PARP9: variants seen among roughly 807,000 people sequenced by gnomAD.
The protein encoded by PARP9 is poly(ADP-ribose) polymerase family member 9, also known as protein mono-ADP-ribosyltransferase PARP9.
In PARP9, 48 loss-of-function variants were observed where a neutral mutation model predicts 68.8. That is an observed-to-expected ratio of 0.70 (90% CI 0.55 to 0.89). The LOEUF (loss-of-function observed/expected upper bound fraction) is 0.89. Ranked by LOEUF, PARP9 falls within the 40% of genes least tolerant of loss-of-function variation. PARP9 has a pLI of 0.00. For synonymous variants in PARP9, 309 were observed against 333.8 expected, an observed-to-expected ratio of 0.93 and a Z score of 0.81; for missense variants, 806 against 969.3, an observed-to-expected ratio of 0.83 and a Z score of 2.24.
Position 122,556,133 on chromosome 3 carries a change from GAGAAGATTAAAAAAA to G in PARP9, c.50-27_50-13del. Reference sequence around the variant, plus strand: ...AAGAGCACCAGTCTCTGGAAAAGAAGAGAAGATTAAAAAAAAAAAAAAAAAAAAAAAAAAAAAAAA... The same window carrying G: ...AAGAGCACCAGTCTCTGGAAAAGAAGAAAAAAAAAAAAAAAAAAAAAAAAA... On this transcript the variant is annotated splice_polypyrimidine_tract_variant and intron_variant, in intron 3 of 10. Transcript: ENST00000682323. 1.2e-5 allele frequency: 2 copies of G among 169,076 alleles called. No individual in the cohort carries two copies. Among genetic ancestry groups the G allele is most frequent in the African/African-American group, 5.9e-5 (1 of 17,084 alleles). The allele number at this position is 169,076 out of a possible 1,614,324, so 10.5% of individuals were successfully genotyped here. A position where few individuals can be genotyped will look rare whatever the true frequency, so the allele number is the denominator to read the frequency against.
intron 9 of PARP9, 171 bp downstream of exon 9, chr3:122,536,763 T>C: frequency 1.4e-6 from 1 of 724,698 alleles, no homozygotes; most frequent in Non-Finnish European, 2.2e-6. Context: ...CGATTCCAAC[T>C]ATATCCCTCG....
chr3:122,536,768 CCCTCGTG>C, intron 9 of PARP9, 159 bp downstream of exon 9: 1 of 742,386 alleles, frequency 1.3e-6, no homozygotes, highest in Non-Finnish European at 2.1e-6. Flanking sequence ...CCAACTATAT[CCCTCGTG>C]CCTGCCCTGC....
At chr3:122,535,696 T>TA in intron 10 of PARP9, 1 of 989,720 alleles carries the variant, frequency 1.0e-6, no homozygotes, top group Non-Finnish European at 1.2e-6. Flanking sequence ...TGCCAAATGA[T>TA]ACCTAATTCA....
At chr3:122,546,269 T>C (rs1361144840) in intron 6 of PARP9, among the ~76,000 whole-genome samples, 1 of 152,260 alleles carries the variant, frequency 6.6e-6, no homozygotes, top group Non-Finnish European at 1.5e-5. Flanking sequence ...ATCTTGAGCT[T>C]TTCCCAGGCT....
Position 122,552,442 on chromosome 3 carries a change from C to T in PARP9, c.1083G>A (p.Trp361Ter). 1 of 1,610,962 alleles carries T rather than the reference C, an allele frequency of 6.2e-7. No homozygotes were observed. The highest frequency in any genetic ancestry group is 8.5e-7 in the Non-Finnish European group (1 of 1,177,664). Residue 361 changes from tryptophan to a stop codon, truncating the protein, a stop_gained, in exon 5 of 11, where the codon TGG (tryptophan) becomes TGA (stop). Transcript: ENST00000682323. LOFTEE classifies it high-confidence loss of function. ...LFCKYIYHVL[W>*]HSEFPKPQIL... ...CCTGAGGTTTAGGAAATTCTGAATG[C>T]CACAGTACATGGTATATATATTTAC...
chr3:122,545,350 C>T, intron 7 of PARP9, 82 bp downstream of exon 7: 1 of 1,401,086 alleles, frequency 7.1e-7, no homozygotes. Context: ...CTTCTTCTCC[C>T]CTCCGTTAGT....
chr3:122,539,567 C>CTTTCTTTCTTTCTTTT (rs1347024453), intron 8 of PARP9, among the ~76,000 whole-genome samples: 2 of 86,914 alleles, frequency 2.3e-5, no homozygotes, highest in African/African-American at 4.5e-5. Context: ...TTCTTTCTTT[C>CTTTCTTTCTTTCTTTT]TTTTTTTTTT....
chr3:122,558,313 G>A, intron 3 of PARP9, 121 bp downstream of exon 3: 1 of 1,612,818 alleles, frequency 6.2e-7, no homozygotes, highest in East Asian at 2.2e-5. Context: ...CCCCACAAGG[G>A]TCTGCAGTCA....
chr3:122,552,701 A>AAG, intron 4 of PARP9, 62 bp from the exon 5 acceptor site: 1 of 1,271,218 alleles, frequency 7.9e-7, no homozygotes, highest in Non-Finnish European at 1.1e-6. Flanking sequence ...TGACTAATTT[A>AAG]AATCTTTACT....
chr3:122,537,193 A>C (rs1360662400), intron 8 of PARP9, 120 bp from the exon 9 acceptor site: 10 of 1,075,746 alleles, frequency 9.3e-6, no homozygotes, highest in Non-Finnish European at 1.3e-5. Flanking sequence ...TGTGTGCCTC[A>C]TGTGTTTAGG....
intron 5 of PARP9, among the ~76,000 whole-genome samples, chr3:122,551,523 A>G (rs2079199737): frequency 6.6e-6 from 1 of 152,138 alleles, no homozygotes; most frequent in Admixed American, 6.5e-5. Flanking sequence ...TTTTTGAGAC[A>G]GAGTCTCACT....
At chr3:122,564,335 A>G (rs1466110512), upstream of PARP9, 7 of 1,421,596 alleles carry the variant, frequency 4.9e-6, no homozygotes, top group Non-Finnish European at 5.7e-6. Flanking sequence ...GGGAAGCGAA[A>G]CTGAAACTTT....
chr3:122,536,742 T>C, intron 9 of PARP9, 192 bp downstream of exon 9: 1 of 641,708 alleles, frequency 1.6e-6, no homozygotes, highest in Non-Finnish European at 2.6e-6. Flanking sequence ...CCTGATGTCA[T>C]TCCTACCTCC....
In PARP9 at chr3:122,536,315, T is replaced by C. The variant is rs778268442; in HGVS notation, c.1933A>G (p.Met645Val). Residue 645 changes from methionine (M) to valine (V), a missense_variant, in exon 10 of 11, where the codon ATG becomes GTG. Physicochemically the swap from Met to Val is conservative, Grantham distance 21 (BLOSUM62 1). This residue lies in a region of PARP9 where 680 missense variants were observed against 858.8 expected (regional missense o/e 0.79). Coordinates refer to ENST00000682323, the MANE Select transcript of PARP9 (RefSeq NM_001146105.2). ...KVEKIDNEVLMAAFQRKKKMM... is the reference protein window; with the variant it reads ...KVEKIDNEVLVAAFQRKKKMM... ...TTCTTCTTTCTTTGAAAGGCAGCCA[T>C]AAGGACCTCATTGTCTATCTTCTCC... The C allele has an allele frequency of 5.6e-6, 9 of 1,614,146 alleles. 2 individuals are homozygous for C. The South Asian group carries it at 9.9e-5, about 18-fold the overall frequency.
At position 122,555,637 on chromosome 3, in the gene PARP9, C is replaced by T; in HGVS notation, c.534G>A (p.Leu178=). The stretch of plus-strand genomic sequence containing the variant: ...TCAGAATACTTACAATGGCCCTCTG[C>T]AGCTTTCCAGTACATCCCTGTTTAT... ...EWDKQGCTGK[L]QRAIVSILNY... is the part of the protein sequence containing the mutation. The change falls in exon 4 of 11, where the codon CTG becomes CTA. Residue 178 remains leucine, a synonymous_variant. Transcript: ENST00000682323. 1 of 1,614,162 alleles carries T rather than the reference C, an allele frequency of 6.2e-7. No homozygotes were observed. Among genetic ancestry groups the T allele is most frequent in the South Asian group, 1.1e-5 (1 of 91,068 alleles).
At chr3:122,539,332 A>T (rs1488730299) in intron 8 of PARP9, among the ~76,000 whole-genome samples, 1 of 152,040 alleles carries the variant, frequency 6.6e-6, no homozygotes, top group East Asian at 1.9e-4. Context: ...CTCCTCTATC[A>T]TCACTAATCT....
rs139363970 is a variant in PARP9, at chr3:122,555,676, C to T, written c.495G>A (p.Arg165=). 115 of 1,614,154 alleles carry T rather than the reference C, an allele frequency of 7.1e-5. No individual in the cohort carries two copies. The African/African-American group carries it at 1.4e-3, about 19-fold the overall frequency. ...CKQIIHAVGP[R]WMEWDKQGCT... ...ATCCCTGTTTATCCCATTCCATCCA[C>T]CGAGGCCCAACAGCATGGATGATCT... is the stretch of plus-strand genomic sequence containing the variant. Residue 165 remains arginine (R), a synonymous_variant, in exon 4 of 11, where the codon CGG becomes CGA. Transcript: ENST00000682323.
chr3:122,540,073 A>G (rs141173127), intron 8 of PARP9, among the ~76,000 whole-genome samples: 57 of 152,332 alleles, frequency 3.7e-4, no homozygotes, highest in Middle Eastern at 6.8e-3. Context: ...GCTGTCAGTG[A>G]CAAATAAATA....
At chr3:122,549,014 CTCATTTT>C (rs2078978518) in intron 6 of PARP9, among the ~76,000 whole-genome samples, 2 of 142,428 alleles carry the variant, frequency 1.4e-5, no homozygotes. Context: ...CAGGTATTAA[CTCATTTT>C]TTTTTTTTTT....
Sources: gnomAD v4.1 joint callset for allele counts (sites outside exome capture counted in the v4.1 genomes callset) on GRCh38, gnomAD v4.1.1 for gene constraint, gnomAD v4.1.1 regional missense constraint, MANE v1.5 for transcripts, NCBI Gene and HGNC (gene_info 2026-07-23, HGNC 2026-07-21) for gene names.